The following SLC17A5 variants were observed in gnomAD, a reference collection of about 807,000 sequenced individuals.
SLC17A5 encodes the protein sialin.
A neutral mutation model predicts 59.4 loss-of-function variants in SLC17A5; 47 were observed. That is an observed-to-expected ratio of 0.79 (90% CI 0.63 to 1.01). The LOEUF is 1.01. Among genes scored for constraint, SLC17A5 ranks in the 50% least tolerant of loss-of-function variants. The probability of loss-of-function intolerance (pLI) is 0.00; values close to 1 mark genes in which losing one functional copy is unlikely to be tolerated. For missense variants in SLC17A5, 522 were observed against 595.5 expected, an observed-to-expected ratio of 0.88 and a Z score of 1.28; for synonymous variants, 202 against 210.7, an observed-to-expected ratio of 0.96 and a Z score of 0.36.
At chr6:73,603,937 A>G (rs947440610) in intron 9 of SLC17A5, among the ~76,000 whole-genome samples, 1 of 152,114 alleles carries the variant, frequency 6.6e-6, no homozygotes, top group East Asian at 1.9e-4. Context: ...AACAAAAAAA[A>G]AACACTTAAA....
intron 9 of SLC17A5, among the ~76,000 whole-genome samples, chr6:73,605,055 G>A (rs1456684158): frequency 1.3e-5 from 2 of 150,628 alleles, no homozygotes; most frequent in East Asian, 3.9e-4. Context: ...ATATTGCCCA[G>A]GCAGGTCTTG....
chr6:73,621,220 G>C (rs541410474), intron 7 of SLC17A5, among the ~76,000 whole-genome samples: 175 of 152,000 alleles, frequency 1.2e-3, no homozygotes, highest in African/African-American at 4.1e-3. Context: ...TGTCAGGCTG[G>C]TCTCAAACTC....
chr6:73,651,098 A>G (rs1198192566), intron 1 of SLC17A5, among the ~76,000 whole-genome samples: 1 of 152,216 alleles, frequency 6.6e-6, no homozygotes, highest in Non-Finnish European at 1.5e-5. Context: ...ATTAAAAGAG[A>G]CAAAAAACAT....
chr6:73,627,904 G>A (rs1193153731), intron 6 of SLC17A5, among the ~76,000 whole-genome samples: 4 of 150,038 alleles, frequency 2.7e-5, no homozygotes, highest in East Asian at 2.0e-4. Context: ...TTACAGGCGT[G>A]AGCCACTGTG....
At chr6:73,600,985 C>A in intron 9 of SLC17A5, among the ~76,000 whole-genome samples, 1 of 152,118 alleles carries the variant, frequency 6.6e-6, no homozygotes, top group African/African-American at 2.4e-5. Context: ...AAGTGAGGAG[C>A]GTCTCTGCCT....
At chr6:73,647,749 T>C (rs1769647920) in intron 1 of SLC17A5, among the ~76,000 whole-genome samples, 2 of 152,184 alleles carry the variant, frequency 1.3e-5, no homozygotes. Flanking sequence ...CAACTTTAAC[T>C]TTTGGATGCA....
At chr6:73,636,139 T>G (rs1176013178) in intron 5 of SLC17A5, among the ~76,000 whole-genome samples, 7 of 152,218 alleles carry the variant, frequency 4.6e-5, no homozygotes, top group Non-Finnish European at 1.0e-4. Context: ...TCCAAAGGTG[T>G]CTGTTTTTGT....
At chr6:73,629,996 A>AT (rs10585763) in intron 6 of SLC17A5, among the ~76,000 whole-genome samples, 794 of 143,262 alleles carry the variant, frequency 5.5e-3, no homozygotes, top group African/African-American at 0.014. Context: ...TTATTTCTCT[A>AT]TTTTTTTTTT....
chr6:73,638,450 G>A lies in SLC17A5; in HGVS notation c.575C>T (p.Pro192Leu), dbSNP rs968961794. The A allele has an allele frequency of 3.7e-6, 6 of 1,613,894 alleles. No individual in the cohort carries two copies. Among genetic ancestry groups the A allele is most frequent in the South Asian group, 1.1e-5 (1 of 91,060 alleles). Reference sequence around the variant, plus strand: ...GCTAAGAAGTTTGCTTCTTTCAAGAGGGGGAGCCCAAGAAGACCACATGGC... The same window carrying A: ...GCTAAGAAGTTTGCTTCTTTCAAGAAGGGGAGCCCAAGAAGACCACATGGC... Reference protein sequence around the residue: ...MHAMWSSWAPPLERSKLLSIS... With the variant: ...MHAMWSSWAPLLERSKLLSIS... Residue 192 changes from proline (P) to leucine (L), a missense_variant, in exon 4 of 11, where the codon CCT becomes CTT. Coordinates refer to ENST00000355773, the MANE Select transcript of SLC17A5 (RefSeq NM_012434.5).
intron 9 of SLC17A5, 33 bp from the exon 10 acceptor site, chr6:73,600,474 G>T: frequency 5.8e-6 from 8 of 1,382,012 alleles, no homozygotes; most frequent in Non-Finnish European, 8.2e-6. Context: ...GTTTATTATT[G>T]TGATACACAT....
chr6:73,651,695 AC>A (rs1191772474), intron 1 of SLC17A5, among the ~76,000 whole-genome samples: 1 of 151,360 alleles, frequency 6.6e-6, no homozygotes, highest in Non-Finnish European at 1.5e-5. Context: ...GGCACCCGCC[AC>A]CACACCCGGC....
rs1399733386 is a variant in SLC17A5 at position 73,615,249 on chromosome 6, A to G, written c.1111+66T>C. 7.0e-6 allele frequency: 11 copies of G among 1,562,136 alleles called. 1 individual carries two copies. The highest frequency in any genetic ancestry group is 3.3e-5 in the Admixed American group (2 of 59,824). ...AGTGGGAAACACACTTTGTTTTCCT[A>G]TCTCCTATAACTGTAAACATGGTAA... On this transcript the variant is annotated intron_variant, in intron 8 of 10. Coordinates refer to ENST00000355773, the MANE Select transcript of SLC17A5 (RefSeq NM_012434.5).
rs3734517 is a variant in SLC17A5 at position 73,594,884 on chromosome 6, T to C, written c.*193A>G. On this transcript the variant is annotated 3_prime_UTR_variant, in exon 11 of 11. Coordinates refer to ENST00000355773, the MANE Select transcript of SLC17A5 (RefSeq NM_012434.5). ...CCTAAAGTAGAAGTCCTAGCTTACA[T>C]ATTATTCATAATTAAACACAGTTCA... 41,557 of 633,690 alleles carry C rather than the reference T, an allele frequency of 0.066. 2,029 individuals carry two copies. Among genetic ancestry groups the C allele is most frequent in the Admixed American group, 0.21 (7,223 of 35,154 alleles). 39.3% of individuals were successfully genotyped at this position (633,690 alleles called of 1,614,324 possible). A position where few individuals can be genotyped will look rare whatever the true frequency, so the allele number is the denominator to read the frequency against.
chr6:73,599,270 G>A (rs1324951726), intron 10 of SLC17A5, among the ~76,000 whole-genome samples: 2 of 151,946 alleles, frequency 1.3e-5, no homozygotes, highest in Non-Finnish European at 2.9e-5. Flanking sequence ...GGAGTGCAGA[G>A]GCATGATCAT....
intron 1 of SLC17A5, chr6:73,653,099 A>T (rs979395340): frequency 1.0e-5 from 10 of 985,342 alleles, no homozygotes; most frequent in Non-Finnish European, 9.6e-6. Context: ...ACCTTTTCCT[A>T]ACTTAAATCA....
chr6:73,594,752 C>T lies in SLC17A5; in HGVS notation c.*325G>A. On this transcript the variant is annotated 3_prime_UTR_variant, in exon 11 of 11. Transcript: ENST00000355773. ...AGAATTATCATCTAGTTTAATTAAG[C>T]AAAGGTATCAGGAGGTCTGTTTCAG... 3.0e-6 allele frequency: 1 copy of T among 327,876 alleles called. No homozygotes were observed. The allele number at this position is 327,876 out of a possible 1,614,324, so 20.3% of individuals were successfully genotyped here. A position where few individuals can be genotyped will look rare whatever the true frequency, so the allele number is the denominator to read the frequency against.
chr6:73,618,229 AAAATAAAATAAAATG>A (rs1226458200), intron 7 of SLC17A5: 2 of 128,692 alleles, frequency 1.6e-5, no homozygotes, highest in Non-Finnish European at 1.7e-5. Context: ...ACTCAGTCTT[AAAATAAAATAAAATG>A]AAATAAAATA....
intron 7 of SLC17A5, among the ~76,000 whole-genome samples, chr6:73,619,701 T>C: frequency 6.6e-6 from 1 of 152,100 alleles, no homozygotes; most frequent in East Asian, 1.9e-4. Context: ...TCACATTTCT[T>C]TTAATTTTAA....
At chr6:73,617,677 C>T (rs971048562) in intron 7 of SLC17A5, among the ~76,000 whole-genome samples, 5 of 151,978 alleles carry the variant, frequency 3.3e-5, no homozygotes, top group African/African-American at 1.2e-4. Flanking sequence ...AACCTCATCT[C>T]TACTAATAAT....
Sources: allele counts gnomAD v4.1 joint callset (sites outside exome capture counted in the v4.1 genomes callset), GRCh38; gene constraint gnomAD v4.1.1; transcripts MANE v1.5; gene names NCBI Gene and HGNC (gene_info 2026-07-23, HGNC 2026-07-21).